Variants in SNX12 observed in about 807,000 individuals in gnomAD.
SNX12 encodes the protein sorting nexin 12, also known as sorting nexin-12.
For synonymous variants in SNX12, 47 were observed against 56.0 expected, an observed-to-expected ratio of 0.84 and a Z score of 0.71; for missense variants, 62 against 141.3, an observed-to-expected ratio of 0.44 and a Z score of 2.84.
chrX:71,064,696 C>T (rs2092145198), intron 1 of SNX12, among the ~76,000 whole-genome samples: 1 of 113,069 alleles, frequency 8.8e-6, no homozygotes, highest in Non-Finnish European at 1.9e-5. Flanking sequence ...CTGATCTTCA[C>T]TCCTGTCTAC....
upstream of SNX12, among the ~76,000 whole-genome samples, chrX:71,072,929 A>C (rs61200287): frequency 0.046 from 4,990 of 109,277 alleles, 259 homozygotes; most frequent in African/African-American, 0.15. Flanking sequence ...ACACACACAC[A>C]CACACAGAGC....
upstream of SNX12, among the ~76,000 whole-genome samples, chrX:71,071,980 G>A (rs1028834450): frequency 5.5e-5 from 6 of 109,882 alleles, no homozygotes; most frequent in Non-Finnish European, 7.6e-5. Context: ...CTTGTGGGCC[G>A]GGCACGGTGG....
chrX:71,068,237 C>G lies in SNX12; in HGVS notation c.70G>C (p.Gly24Arg). ...ATCTCCAGGAAGTTACTTGGCGGCC[C>G]GTAAGCGTCGGTCAGGTCCTGCGGC... The part of the protein sequence containing the change: ...SKPQDLTDAY[G>R]PPSNFLEIDI... Residue 24 changes from glycine (G) to arginine (R), a missense_variant, in exon 1 of 4, where the codon GGG (glycine) becomes CGG (arginine). By Grantham distance (125) the Gly-to-Arg change is moderately radical. Coordinates refer to ENST00000374274, the MANE Select transcript of SNX12 (RefSeq NM_013346.4). 8.3e-7 allele frequency: 1 copy of G among 1,209,974 alleles called. No individual in the cohort carries two copies.
intron 1 of SNX12, 140 bp downstream of exon 1, chrX:71,068,002 A>T (rs1039637220): frequency 2.0e-6 from 1 of 502,826 alleles, no homozygotes; most frequent in African/African-American, 2.5e-5. Context: ...ACCTCGTTCC[A>T]AGCCTATTAT....
At chrX:71,065,552 C>A (rs757270803) in intron 1 of SNX12, among the ~76,000 whole-genome samples, 22 of 108,827 alleles carry the variant, frequency 2.0e-4, no homozygotes, top group Admixed American at 5.9e-4. Flanking sequence ...CACCTATAAT[C>A]CCAGCACTTT....
At chrX:71,062,679 T>TA (rs1177455270) in intron 2 of SNX12, among the ~76,000 whole-genome samples, 175 bp downstream of exon 2, 2 of 112,120 alleles carry the variant, frequency 1.8e-5, no homozygotes, top group Admixed American at 1.9e-4. Context: ...AGCCAGAACT[T>TA]ACCACTTTCA....
chrX:71,069,612 G>A (rs1212484947), upstream of SNX12, among the ~76,000 whole-genome samples: 3 of 112,118 alleles, frequency 2.7e-5, no homozygotes, highest in African/African-American at 9.7e-5. Context: ...ACAAATAGGA[G>A]TGGAAATAGG....
upstream of SNX12, among the ~76,000 whole-genome samples, chrX:71,071,545 T>A (rs1370139622): frequency 5.1e-5 from 3 of 59,392 alleles, no homozygotes; most frequent in Admixed American, 3.1e-4. Context: ...TTATATATAT[T>A]ATATATAAAT....
At chrX:71,073,354 G>A (rs1320078576), upstream of SNX12, 1 of 111,944 alleles carries the variant, frequency 8.9e-6, no homozygotes, top group Non-Finnish European at 1.9e-5. Flanking sequence ...CCGACTCGAT[G>A]TTATGCAACC....
At position 71,059,994 on chromosome X, in the gene SNX12, A is replaced by G; in HGVS notation, c.*1022T>C. 8.9e-6 allele frequency: 1 copy of G among 111,860 alleles called. No homozygotes were observed. The allele number at this position is 111,860 out of a possible 1,213,427, so 9.2% of individuals were successfully genotyped here. ...TCTTGCCCCTGAGCCCCATTCAACA[A>G]CTCAAAGTGCTTAGGAGAAGTCAGA... On this transcript the variant is annotated 3_prime_UTR_variant, in exon 4 of 4. Coordinates refer to ENST00000374274, the MANE Select transcript of SNX12 (RefSeq NM_013346.4).
intron 2 of SNX12, 57 bp downstream of exon 2, chrX:71,062,797 A>T (rs1005796852): frequency 3.7e-5 from 29 of 780,638 alleles, no homozygotes; most frequent in Non-Finnish European, 5.7e-5. Context: ...TTGTATGCCC[A>T]CTCAGCCTAT....
At chrX:71,068,558 C>T, upstream of SNX12, 1 of 249,843 alleles carries the variant, frequency 4.0e-6, no homozygotes, top group Non-Finnish European at 7.1e-6. Flanking sequence ...TGTTTGTGGC[C>T]ACCCGGGAAC....
At chrX:71,071,574 A>ATATATAAATATATAATATTTACATATAT (rs2092172643), upstream of SNX12, among the ~76,000 whole-genome samples, 1 of 30,595 alleles carries the variant, frequency 3.3e-5, no homozygotes, top group African/African-American at 2.0e-4. Flanking sequence ...TTTATATATT[A>ATATATAAATATATAATATTTACATATAT]TATATATAAA....
chrX:71,062,107 A>G (rs1324610913), intron 2 of SNX12, 140 bp from the exon 3 acceptor site: 4 of 499,752 alleles, frequency 8.0e-6, no homozygotes, highest in Non-Finnish European at 1.3e-5. Flanking sequence ...AACTAAGACC[A>G]TAAGAACAGT....
upstream of SNX12, among the ~76,000 whole-genome samples, chrX:71,072,591 G>A (rs2092176680): frequency 1.8e-5 from 2 of 111,557 alleles, no homozygotes. Context: ...GCCTAAGAAA[G>A]AAATGTTGTA....
intron 2 of SNX12, 120 bp downstream of exon 2, chrX:71,062,734 G>T: frequency 2.1e-6 from 1 of 482,679 alleles, no homozygotes; most frequent in Non-Finnish European, 3.7e-6. Context: ...GAGATTTGAT[G>T]GATAAGAATG....
upstream of SNX12, among the ~76,000 whole-genome samples, chrX:71,068,657 T>A (rs1272554933): frequency 8.8e-6 from 1 of 113,009 alleles, no homozygotes; most frequent in Non-Finnish European, 1.9e-5. Context: ...AGAAATTGTC[T>A]CGTACCGTGT....
At chrX:71,065,272 C>T (rs769516311) in intron 1 of SNX12, among the ~76,000 whole-genome samples, 1 of 103,176 alleles carries the variant, frequency 9.7e-6, no homozygotes, top group African/African-American at 3.6e-5. Context: ...GCAGGAGAAT[C>T]GCTTGAACCC....
At position 71,059,739 on chromosome X, in the gene SNX12, C is replaced by T. The variant is rs367698147; in HGVS notation, c.*1277G>A. The T allele has an allele frequency of 1.3e-3, 150 of 111,462 alleles. No homozygotes were observed. Among genetic ancestry groups the T allele is most frequent in the African/African-American group, 4.8e-3 (147 of 30,684 alleles). The allele number at this position is 111,462 out of a possible 1,213,427, so 9.2% of individuals were successfully genotyped here. ...TGGCACCAAAGTTAACTTACTCTCA[C>T]CCCACCACTTGGGACAGACGTTGGG... On this transcript the variant is annotated 3_prime_UTR_variant, in exon 4 of 4. Transcript: ENST00000374274.
Sources: allele counts gnomAD v4.1 joint callset (sites outside exome capture counted in the v4.1 genomes callset), GRCh38; gene constraint gnomAD v4.1.1; transcripts MANE v1.5; gene names NCBI Gene and HGNC (gene_info 2026-07-23, HGNC 2026-07-21).